HOMER2: variants seen among roughly 807,000 people sequenced by gnomAD.
HOMER2 encodes the protein homer scaffold protein 2.
Under a neutral mutation model 47.0 loss-of-function variants are expected in HOMER2, and 27 were observed. The observed-to-expected ratio is 0.57, with a 90% CI of 0.42 to 0.79. The LOEUF (loss-of-function observed/expected upper bound fraction) is 0.79, where lower values mean the gene tolerates loss of function less well. Ranked by LOEUF, HOMER2 falls within the 30% of genes least tolerant of loss-of-function variation. The pLI is 0.00. For missense variants in HOMER2, 443 were observed against 435.0 expected (o/e 1.02, Z -0.16); for synonymous variants, 161 against 163.8 (o/e 0.98, Z 0.13).
At chr15:82,901,850 C>A (rs2053129094) in intron 1 of HOMER2, among the ~76,000 whole-genome samples, 1 of 152,230 alleles carries the variant, frequency 6.6e-6, no homozygotes, top group Non-Finnish European at 1.5e-5. Context: ...TCTGCTATCA[C>A]CTTCAAGAAG....
At chr15:82,979,382 G>A (rs2030315920) in intron 1 of HOMER2, among the ~76,000 whole-genome samples, 1 of 152,068 alleles carries the variant, frequency 6.6e-6, no homozygotes, top group Non-Finnish European at 1.5e-5. Flanking sequence ...AATGGATCCA[G>A]GCCTAGATAT....
rs1346927522 is a variant in HOMER2 at position 82,942,977 on chromosome 15, T to G, written c.5+9554A>C. On this transcript the variant is annotated intron_variant, in intron 1 of 8. Coordinates refer to ENST00000450735, the MANE Select transcript of HOMER2 (RefSeq NM_004839.4). ...GTCTGGAAGGCAGCCACACAGTGGC[T>G]GAAGACTCAGAGAGTGCCCAAGGGG... Among the ~76,000 whole-genome samples the G allele has an allele frequency of 2.0e-5, 3 of 152,258 alleles. No individual in the cohort carries two copies. In the East Asian group the frequency reaches 5.8e-4, roughly 29 times the overall value.
intron 5 of HOMER2, 31 bp from the exon 6 acceptor site, chr15:82,854,831 G>A (rs1272993891): frequency 1.3e-5 from 20 of 1,595,148 alleles, no homozygotes; most frequent in Non-Finnish European, 1.4e-5. Context: ...GTGACGACGG[G>A]GTGGGTGCTG....
In HOMER2 at chr15:82,875,391, C is replaced by T; in HGVS notation, c.176G>A (p.Ser59Asn). Residue 59 changes from serine to asparagine, a missense_variant, in exon 3 of 9, where the codon AGC (serine) becomes AAC (asparagine). Transcript: ENST00000450735. Reference sequence around the variant, plus strand: ...GAAGGTCATATTCGGTGTGATTGTGCTGTTTATGATCACCTGCAGAAAAAC... The same window carrying T: ...GAAGGTCATATTCGGTGTGATTGTGTTGTTTATGATCACCTGCAGAAAAAC... ...SVDGAKVIIN[S>N]TITPNMTFTK... 6.2e-7 allele frequency: 1 copy of T among 1,613,962 alleles called. No homozygotes were observed. The highest frequency in any genetic ancestry group is 8.5e-7 in the Non-Finnish European group (1 of 1,179,842).
In HOMER2 at chr15:82,864,239, C is replaced by T. The variant is rs79889270; in HGVS notation, c.315G>A (p.Glu105=). 16 of 1,612,056 alleles carry T rather than the reference C, an allele frequency of 9.9e-6. No individual in the cohort carries two copies. Among genetic ancestry groups the T allele is most frequent in the Non-Finnish European group, 1.4e-5 (16 of 1,178,936 alleles). Residue 105 remains glutamate, a synonymous_variant, in exon 4 of 9, where the codon GAG becomes GAA. Coordinates refer to ENST00000450735, the MANE Select transcript of HOMER2 (RefSeq NM_004839.4). The part of the protein sequence containing the change: ...QLTKFAEKFQ[E]VKEAAKIAKD... ...TGGCTATCTTGGCAGCTTCTTTCAC[C>T]TCCTGGAATTTCTCTGCAAACTGAA...
At chr15:82,862,181 G>A (rs1197582818) in intron 4 of HOMER2, among the ~76,000 whole-genome samples, 1 of 151,750 alleles carries the variant, frequency 6.6e-6, no homozygotes, top group African/African-American at 2.4e-5. Flanking sequence ...GAGATTACAG[G>A]TGTGAGCCGC....
At chr15:82,963,010 T>C (rs1596386008) in intron 1 of HOMER2, among the ~76,000 whole-genome samples, 2 of 152,284 alleles carry the variant, frequency 1.3e-5, no homozygotes, top group East Asian at 1.9e-4. Flanking sequence ...CTGGGCACAG[T>C]AGCTCACACC....
chr15:82,854,982 C>G (rs1371186352), intron 5 of HOMER2, among the ~76,000 whole-genome samples, 182 bp from the exon 6 acceptor site: 1 of 152,206 alleles, frequency 6.6e-6, no homozygotes, highest in African/African-American at 2.4e-5. Flanking sequence ...ACTGGCCCCT[C>G]TCTCTGGTGT....
intron 4 of HOMER2, among the ~76,000 whole-genome samples, chr15:82,861,915 G>A (rs188907742): frequency 5.3e-5 from 8 of 152,238 alleles, no homozygotes. Context: ...GCTGAGGCAG[G>A]AGAATCCCTT....
chr15:82,908,519 C>T (rs1260009437), intron 1 of HOMER2, among the ~76,000 whole-genome samples: 118 of 152,162 alleles, frequency 7.8e-4, no homozygotes, highest in Non-Finnish European at 1.3e-4. Flanking sequence ...GCTCCCTCCA[C>T]TTTAACCTTT....
upstream of HOMER2, among the ~76,000 whole-genome samples, chr15:82,957,541 C>T (rs952340327): frequency 1.3e-5 from 2 of 152,262 alleles, no homozygotes; most frequent in South Asian, 4.1e-4. Flanking sequence ...GTACTTCCTG[C>T]CAGATAACAC....
chr15:82,944,045 ATT>A (rs200212869), intron 1 of HOMER2, among the ~76,000 whole-genome samples: 1 of 151,276 alleles, frequency 6.6e-6, no homozygotes, highest in Admixed American at 6.6e-5. Context: ...ATGAATAAAA[ATT>A]TTTTTTTTAA....
intron 1 of HOMER2, among the ~76,000 whole-genome samples, chr15:82,917,793 G>A (rs1303855122): frequency 6.6e-6 from 1 of 152,160 alleles, no homozygotes; most frequent in Admixed American, 6.5e-5. Context: ...CAAAATACTT[G>A]CTAAACTAGA....
chr15:82,945,061 G>A (rs1013099700), intron 1 of HOMER2, among the ~76,000 whole-genome samples: 4 of 152,218 alleles, frequency 2.6e-5, no homozygotes, highest in Non-Finnish European at 4.4e-5. Context: ...AATCCTTGAT[G>A]TTCTTACCAA....
At chr15:82,919,873 G>T (rs144679762) in intron 1 of HOMER2, among the ~76,000 whole-genome samples, 1 of 152,120 alleles carries the variant, frequency 6.6e-6, no homozygotes, top group African/African-American at 2.4e-5. Flanking sequence ...GGTATCTTTC[G>T]TGCACTTCAT....
intron 1 of HOMER2, among the ~76,000 whole-genome samples, chr15:82,968,295 C>T (rs1337183808): frequency 1.3e-5 from 2 of 152,220 alleles, no homozygotes; most frequent in Admixed American, 1.3e-4. Context: ...ACAAGGAAAC[C>T]TCAAACCCAG....
At chr15:82,944,296 C>T (rs2151224557) in intron 1 of HOMER2, among the ~76,000 whole-genome samples, 1 of 152,292 alleles carries the variant, frequency 6.6e-6, no homozygotes, top group Middle Eastern at 3.4e-3. Context: ...CAGCTCTCAC[C>T]TCCAAACCTA....
chr15:82,971,032 C>T (rs1006345390), intron 1 of HOMER2, among the ~76,000 whole-genome samples: 6 of 152,324 alleles, frequency 3.9e-5, no homozygotes, highest in African/African-American at 1.2e-4. Context: ...AAGGAAGGGA[C>T]TCCCTGAATT....
downstream of HOMER2, among the ~76,000 whole-genome samples, chr15:82,836,479 C>G (rs964564467): frequency 6.6e-6 from 1 of 152,254 alleles, no homozygotes; most frequent in African/African-American, 2.4e-5. Context: ...AGGGCCTGCT[C>G]TCTTAAGTGC....
Sources: gnomAD v4.1 joint callset for allele counts (sites outside exome capture counted in the v4.1 genomes callset) on GRCh38, gnomAD v4.1.1 for gene constraint, MANE v1.5 for transcripts, NCBI Gene and HGNC (gene_info 2026-07-23, HGNC 2026-07-21) for gene names.